ROBO2: variants seen among roughly 807,000 people sequenced by gnomAD.
The protein encoded by ROBO2 is roundabout homolog 2.
ROBO2 carries 53 observed loss-of-function variants against 160.8 expected under a neutral mutation model. That is an observed-to-expected ratio of 0.33 (90% CI 0.26 to 0.41). The LOEUF (loss-of-function observed/expected upper bound fraction) is 0.41, where lower values mean the gene tolerates loss of function less well. Ranked by LOEUF, ROBO2 falls within the 10% of genes least tolerant of loss-of-function variation. ROBO2 has a pLI of 1.00. For missense variants in ROBO2, 1,577 were observed against 1,722.4 expected, an observed-to-expected ratio of 0.92 and a Z score of 1.49; for synonymous variants, 664 against 611.7, an observed-to-expected ratio of 1.09 and a Z score of -1.26.
intron 2 of ROBO2, among the ~76,000 whole-genome samples, chr3:76,707,723 A>ATGTG (rs1491159241): frequency 9.5e-5 from 10 of 105,702 alleles, no homozygotes; most frequent in Non-Finnish European, 1.4e-4. Context: ...ATTAGAATAC[A>ATGTG]TGTGTGTGTA....
At chr3:77,490,333 G>A (rs2085942607) in intron 4 of ROBO2, among the ~76,000 whole-genome samples, 2 of 151,904 alleles carry the variant, frequency 1.3e-5, no homozygotes, top group African/African-American at 4.8e-5. Flanking sequence ...CTCGTGATCT[G>A]CCCACCTCGG....
At chr3:77,104,070 A>T (rs376414386) in intron 2 of ROBO2, among the ~76,000 whole-genome samples, 1 of 152,186 alleles carries the variant, frequency 6.6e-6, no homozygotes, top group Non-Finnish European at 1.5e-5. Context: ...GATATATTTA[A>T]CATACCATAT....
At chr3:76,650,112 C>T (rs1270439803) in intron 2 of ROBO2, among the ~76,000 whole-genome samples, 3 of 151,796 alleles carry the variant, frequency 2.0e-5, no homozygotes, top group East Asian at 1.9e-4. Flanking sequence ...GAGAAAGAAA[C>T]ATATTCAAAA....
At chr3:76,059,215 G>A (rs902539752) in intron 2 of ROBO2, among the ~76,000 whole-genome samples, 1 of 151,500 alleles carries the variant, frequency 6.6e-6, no homozygotes, top group Non-Finnish European at 1.5e-5. Context: ...GATCCCTGAG[G>A]AATCGCCACA....
chr3:77,118,759 AATGAG>A (rs2074445457), intron 2 of ROBO2, among the ~76,000 whole-genome samples: 1 of 152,222 alleles, frequency 6.6e-6, no homozygotes, highest in South Asian at 2.1e-4. Flanking sequence ...TGTTTTAAGA[AATGAG>A]ACATTAGGCA....
chr3:77,395,952 T>C (rs1349353715), intron 2 of ROBO2, among the ~76,000 whole-genome samples: 10 of 151,930 alleles, frequency 6.6e-5, no homozygotes, highest in African/African-American at 2.4e-4. Context: ...GTGGAAGCAT[T>C]CTGAAATTTC....
chr3:76,111,899 T>C (rs1414505153), intron 2 of ROBO2, among the ~76,000 whole-genome samples: 2 of 152,118 alleles, frequency 1.3e-5, no homozygotes, highest in African/African-American at 4.8e-5. Flanking sequence ...CCTCACTGAA[T>C]ATTGAGCTTC....
intron 2 of ROBO2, among the ~76,000 whole-genome samples, chr3:76,609,059 C>T (rs1474295206): frequency 7.2e-5 from 11 of 152,198 alleles, no homozygotes; most frequent in Admixed American, 7.2e-4. Context: ...TGCTACTTCA[C>T]TTAGATAAAT....
chr3:76,175,073 C>T (rs970016361), intron 2 of ROBO2, among the ~76,000 whole-genome samples: 2 of 151,728 alleles, frequency 1.3e-5, no homozygotes, highest in African/African-American at 4.8e-5. Flanking sequence ...TGAAGAGGTC[C>T]TTCATGTCCC....
chr3:76,677,512 T>A (rs1191488249), intron 2 of ROBO2, among the ~76,000 whole-genome samples: 3 of 152,116 alleles, frequency 2.0e-5, no homozygotes, highest in Non-Finnish European at 4.4e-5. Context: ...CTGCCTCCAA[T>A]TCAAGAAAAT....
chr3:75,966,346 T>C (rs571449022), intron 2 of ROBO2, among the ~76,000 whole-genome samples: 15 of 151,816 alleles, frequency 9.9e-5, no homozygotes, highest in South Asian at 2.1e-4. Flanking sequence ...CCCTATACAA[T>C]AGTCACAGTA....
intron 2 of ROBO2, among the ~76,000 whole-genome samples, chr3:76,450,883 T>G: frequency 6.6e-6 from 1 of 152,224 alleles, no homozygotes; most frequent in East Asian, 1.9e-4. Context: ...TAAAAATTTG[T>G]AATATACCTG....
intron 2 of ROBO2, among the ~76,000 whole-genome samples, chr3:75,976,723 ACAGAGCATT>A (rs917121874): frequency 5.9e-5 from 9 of 151,630 alleles, no homozygotes; most frequent in African/African-American, 2.2e-4. Flanking sequence ...CCATTGTGAC[ACAGAGCATT>A]GTAAGACAGG....
chr3:77,364,605 C>T (rs2070555746), intron 2 of ROBO2, among the ~76,000 whole-genome samples: 2 of 152,052 alleles, frequency 1.3e-5, no homozygotes, highest in Non-Finnish European at 2.9e-5. Context: ...TTCTCATATA[C>T]CAGCTGATAT....
chr3:76,458,003 G>A (rs2077867814), intron 2 of ROBO2, among the ~76,000 whole-genome samples: 1 of 152,088 alleles, frequency 6.6e-6, no homozygotes, highest in African/African-American at 2.4e-5. Context: ...GTGATGGGAG[G>A]GGCTTCTCTC....
chr3:76,340,335 T>C (rs1317222667), intron 2 of ROBO2, among the ~76,000 whole-genome samples: 1 of 152,136 alleles, frequency 6.6e-6, no homozygotes, highest in Non-Finnish European at 1.5e-5. Context: ...CCTTGTGGGA[T>C]AGAACAGTAT....
chr3:76,611,544 G>A (rs575593782), intron 2 of ROBO2, among the ~76,000 whole-genome samples: 6 of 152,086 alleles, frequency 3.9e-5, no homozygotes, highest in Admixed American at 2.0e-4. Context: ...TAGGTTTTCC[G>A]ATTTATTGGC....
intron 2 of ROBO2, among the ~76,000 whole-genome samples, chr3:77,325,003 T>C (rs1468051328): frequency 6.6e-6 from 1 of 152,036 alleles, no homozygotes; most frequent in Admixed American, 6.6e-5. Flanking sequence ...TCAGAGTAAG[T>C]GCCAAGTGGA....
exon 26 of ROBO2, chr3:77,648,487 A>AAAAT (rs1205714928): frequency 6.6e-6 from 1 of 152,224 alleles, no homozygotes; most frequent in African/African-American, 2.4e-5. Flanking sequence ...TGTTGTAGTT[A>AAAAT]AAATTATGTC....
Sources: allele counts gnomAD v4.1 joint callset (sites outside exome capture counted in the v4.1 genomes callset), GRCh38; gene constraint gnomAD v4.1.1; transcripts MANE v1.5; gene names NCBI Gene and HGNC (gene_info 2026-07-23, HGNC 2026-07-21).